PTPN21: variants seen among roughly 807,000 people sequenced by gnomAD.
PTPN21 encodes the protein tyrosine-protein phosphatase non-receptor type 21.
PTPN21 carries 77 observed loss-of-function variants against 131.8 expected under a neutral mutation model. The ratio of observed to expected loss-of-function variants is 0.58; its 90% confidence interval spans 0.49 to 0.71. The LOEUF (loss-of-function observed/expected upper bound fraction) is 0.71, where lower values mean the gene tolerates loss of function less well. Among genes scored for constraint, PTPN21 ranks in the 30% least tolerant of loss-of-function variants. The pLI, the probability that PTPN21 is intolerant of heterozygous loss-of-function variation, is 0.00. For missense variants in PTPN21, 1,552 were observed against 1,527.1 expected (o/e 1.02, Z -0.27); for synonymous variants, 715 against 621.3 (o/e 1.15, Z -2.24).
intron 3 of PTPN21, among the ~76,000 whole-genome samples, chr14:88,508,687 G>GTAAT (rs1395245691): frequency 6.6e-6 from 1 of 152,172 alleles, no homozygotes; most frequent in East Asian, 1.9e-4. Flanking sequence ...TAGTAACTTA[G>GTAAT]TAATATAAGA....
intron 2 of PTPN21, among the ~76,000 whole-genome samples, chr14:88,519,214 G>A (rs1875989872): frequency 6.6e-6 from 1 of 152,196 alleles, no homozygotes; most frequent in Admixed American, 6.6e-5. Flanking sequence ...ACAGCCTCAA[G>A]CCACTGCTAA....
rs138771700 is a variant in PTPN21 at position 88,526,186 on chromosome 14, G to T, written c.181-8925C>A. On this transcript the variant is annotated intron_variant, in intron 2 of 18. Transcript: ENST00000556564. ...ATGGGATACAGAATTTCCTTTGGGG[G>T]TGATGAAAATGTTTTAGAAATAGAC... is the stretch of plus-strand genomic sequence containing the variant. Among the ~76,000 whole-genome samples the T allele has an allele frequency of 4.6e-5, 7 of 152,188 alleles. No homozygotes were observed. In the South Asian group the frequency reaches 1.2e-3, roughly 27 times the overall value.
At chr14:88,490,349 T>C (rs2077805310) in intron 10 of PTPN21, among the ~76,000 whole-genome samples, 1 of 151,904 alleles carries the variant, frequency 6.6e-6, no homozygotes, top group South Asian at 2.1e-4. Context: ...CCTTTATCCA[T>C]ATAAGAACCT....
At chr14:88,494,121 G>C (rs183773846) in intron 10 of PTPN21, among the ~76,000 whole-genome samples, 1 of 152,268 alleles carries the variant, frequency 6.6e-6, no homozygotes, top group Non-Finnish European at 1.5e-5. Flanking sequence ...GATCATAGTG[G>C]AAGGGGGGTA....
rs959213297 is a variant in PTPN21 at position 88,466,143 on chromosome 14, T to C, written c.*1994A>G. 2.6e-5 allele frequency: 4 copies of C among 152,164 alleles called. No homozygotes were observed. The highest frequency in any genetic ancestry group is 2.6e-4 in the Admixed American group (4 of 15,268). The allele number at this position is 152,164 out of a possible 1,614,324, so 9.4% of individuals were successfully genotyped here. ...GTTCCAGTAAAAAGTTCTTATTCCT[T>C]TCTTCTAAGGAGCTCGTTCTGAATA... On this transcript the variant is annotated 3_prime_UTR_variant, in exon 19 of 19. Transcript: ENST00000556564.
intron 10 of PTPN21, 136 bp from the exon 11 acceptor site, chr14:88,485,978 A>G (rs1170707530): frequency 3.2e-6 from 2 of 616,456 alleles, no homozygotes; most frequent in Non-Finnish European, 5.5e-6. Flanking sequence ...ATGAAGTCAA[A>G]GAAAAGAAGG....
At chr14:88,523,356 A>G (rs536467845) in intron 2 of PTPN21, among the ~76,000 whole-genome samples, 1 of 152,294 alleles carries the variant, frequency 6.6e-6, no homozygotes, top group Non-Finnish European at 1.5e-5. Context: ...GATCATCTCA[A>G]TTGATGCAGG....
chr14:88,539,348 C>T (rs1180650025), intron 2 of PTPN21, among the ~76,000 whole-genome samples: 1 of 151,430 alleles, frequency 6.6e-6, no homozygotes, highest in Non-Finnish European at 1.5e-5. Context: ...CTCTCAGGTT[C>T]AAGCGATTCT....
chr14:88,503,077 C>CAAA (rs1243693519), intron 6 of PTPN21, among the ~76,000 whole-genome samples: 27 of 150,060 alleles, frequency 1.8e-4, no homozygotes, highest in African/African-American at 6.7e-4. Flanking sequence ...TGCTCTGTCA[C>CAAA]CAGGCTGGAG....
Position 88,479,101 on chromosome 14 carries a change from A to C in PTPN21, c.2330T>G (p.Val777Gly). 1 of 1,575,630 alleles carries C rather than the reference A, an allele frequency of 6.3e-7. No homozygotes were observed. The highest frequency in any genetic ancestry group is 8.6e-7 in the Non-Finnish European group (1 of 1,162,392). The change falls in exon 13 of 19, where the codon GTC (valine) becomes GGC (glycine). Residue 777 changes from valine (V) to glycine (G), a missense_variant. Around this residue, in one of 4 missense-constraint regions of PTPN21, gnomAD observed 1,016 missense variants for 883.5 expected, o/e 1.15. Transcript: ENST00000556564. Reference protein sequence around the residue: ...AEKRMMDSSPVRTTAEAQRPW... With the variant: ...AEKRMMDSSPGRTTAEAQRPW... Reference sequence around the variant, plus strand: ...CCGCTGGGCCTCTGCGGTCGTGCGGACGGGGCTGCTGTCCATCATCCTCTT... The same window carrying C: ...CCGCTGGGCCTCTGCGGTCGTGCGGCCGGGGCTGCTGTCCATCATCCTCTT...
At chr14:88,543,338 C>T (rs758797029) in intron 2 of PTPN21, among the ~76,000 whole-genome samples, 4 of 152,106 alleles carry the variant, frequency 2.6e-5, no homozygotes, top group Admixed American at 6.6e-5. Flanking sequence ...ATCAGGGAGC[C>T]ACTACAACTA....
chr14:88,521,117 T>C (rs1028649750), intron 2 of PTPN21, among the ~76,000 whole-genome samples: 2 of 152,122 alleles, frequency 1.3e-5, no homozygotes, highest in African/African-American at 4.8e-5. Flanking sequence ...GTGCTGGGAT[T>C]ACAGGAGTGT....
rs752465398 is a variant in PTPN21 at position 88,468,178 on chromosome 14, T to C, written c.3484A>G (p.Arg1162Gly). Reference sequence around the variant, plus strand: ...CTTTTCAGGAACTGGATGAGGACTCTGTACACAAATGTGTACTGGCAGAGA... The same window carrying C: ...CTTTTCAGGAACTGGATGAGGACTCCGTACACAAATGTGTACTGGCAGAGA... The part of the protein sequence containing the change: ...QTLCQYTFVY[R>G]VLIQFLKSSR... Residue 1162 changes from arginine (R) to glycine (G), a missense_variant, in exon 19 of 19, where the codon AGA becomes GGA. Coordinates refer to ENST00000556564, the MANE Select transcript of PTPN21 (RefSeq NM_007039.4). 5 of 1,612,914 alleles carry C rather than the reference T, an allele frequency of 3.1e-6. No homozygotes were observed. In the South Asian group the frequency reaches 5.5e-5, roughly 18 times the overall value.
At chr14:88,504,828 C>T (rs1298639076) in intron 5 of PTPN21, among the ~76,000 whole-genome samples, 1 of 152,172 alleles carries the variant, frequency 6.6e-6, no homozygotes. Flanking sequence ...ACACTCAGAA[C>T]AGCATACCAC....
chr14:88,467,082 A>T lies in PTPN21; in HGVS notation c.*1055T>A, dbSNP rs1452932799. On this transcript the variant is annotated 3_prime_UTR_variant, in exon 19 of 19. Transcript: ENST00000556564. ...CCCCTGCTCGCCATCCCAGCACCTCAGTCTGAGTATAGATAATACTGCATT... is the reference window on the plus strand; with the variant it reads ...CCCCTGCTCGCCATCCCAGCACCTCTGTCTGAGTATAGATAATACTGCATT... 6.6e-6 allele frequency: 1 copy of T among 152,186 alleles called. No individual in the cohort carries two copies. Among genetic ancestry groups the T allele is most frequent in the African/African-American group, 2.4e-5 (1 of 41,448 alleles). The allele number at this position is 152,186 out of a possible 1,614,324, so 9.4% of individuals were successfully genotyped here. A position where few individuals can be genotyped will look rare whatever the true frequency, so the allele number is the denominator to read the frequency against.
rs2077402628 is a variant in PTPN21, at chr14:88,468,592, A to C, written c.3396+324T>G. ...TGCTAAGTGCTATCAGTATCTAGCT[A>C]TTTCCCTCAAGGGCTCTGGGCAGCA... On this transcript the variant is annotated intron_variant, in intron 18 of 18. Transcript: ENST00000556564. Among the ~76,000 whole-genome samples the C allele has an allele frequency of 2.0e-5, 3 of 152,270 alleles. No individual in the cohort carries two copies. In the South Asian group the frequency reaches 6.2e-4, roughly 32 times the overall value.
chr14:88,532,404 A>G (rs971903961), intron 2 of PTPN21, among the ~76,000 whole-genome samples: 3 of 152,224 alleles, frequency 2.0e-5, no homozygotes, highest in African/African-American at 7.2e-5. Context: ...AGACGAGCCT[A>G]TGAGTTCATT....
chr14:88,477,417 C>A (rs1218982224), intron 13 of PTPN21, among the ~76,000 whole-genome samples: 1 of 125,082 alleles, frequency 8.0e-6, no homozygotes, highest in Non-Finnish European at 1.6e-5. Flanking sequence ...CCACTGCACT[C>A]CAGCCTGGGC....
At chr14:88,543,178 G>C (rs1375650977) in intron 2 of PTPN21, among the ~76,000 whole-genome samples, 1 of 152,154 alleles carries the variant, frequency 6.6e-6, no homozygotes, top group African/African-American at 2.4e-5. Context: ...TTGTGCTTGA[G>C]GGTTATGGTT....
Sources: gnomAD v4.1 joint callset for allele counts (sites outside exome capture counted in the v4.1 genomes callset) on GRCh38, gnomAD v4.1.1 for gene constraint, gnomAD v4.1.1 regional missense constraint, MANE v1.5 for transcripts, NCBI Gene and HGNC (gene_info 2026-07-23, HGNC 2026-07-21) for gene names.